ANO3: variants seen among roughly 807,000 people sequenced by gnomAD.
ANO3 encodes anoctamin 3, also known as anoctamin-3.
In ANO3, 99 loss-of-function variants were observed where a neutral mutation model predicts 144.8. The observed-to-expected ratio is 0.68, with a 90% CI of 0.58 to 0.81. The LOEUF (loss-of-function observed/expected upper bound fraction) is 0.81, where lower values mean the gene tolerates loss of function less well. Ranked by LOEUF, ANO3 falls within the 30% of genes least tolerant of loss-of-function variation. The probability of loss-of-function intolerance (pLI) is 0.00; values close to 1 mark genes in which losing one functional copy is unlikely to be tolerated. For synonymous variants in ANO3, 414 were observed against 392.6 expected (o/e 1.05, Z -0.64); for missense variants, 905 against 1,202.2 (o/e 0.75, Z 3.66).
intron 1 of ANO3, among the ~76,000 whole-genome samples, chr11:26,322,546 T>G (rs566402013): frequency 1.3e-5 from 2 of 152,246 alleles, no homozygotes; most frequent in African/African-American, 4.8e-5. Context: ...ATTGACAGTT[T>G]TAAGGATTAT....
At chr11:26,400,108 G>C (rs765848528) in intron 1 of ANO3, among the ~76,000 whole-genome samples, 2 of 148,938 alleles carry the variant, frequency 1.3e-5, no homozygotes, top group Non-Finnish European at 2.9e-5. Context: ...AGTTTTTTTT[G>C]TTTTTGTTTT....
intron 4 of ANO3, among the ~76,000 whole-genome samples, chr11:26,487,747 G>A (rs1231163904): frequency 6.6e-6 from 1 of 152,186 alleles, no homozygotes; most frequent in African/African-American, 2.4e-5. Flanking sequence ...GAGACTGGTG[G>A]CATTTCACCC....
At chr11:26,197,957 C>A (rs1261533764) in intron 1 of ANO3, among the ~76,000 whole-genome samples, 1 of 152,160 alleles carries the variant, frequency 6.6e-6, no homozygotes, top group Non-Finnish European at 1.5e-5. Context: ...ACCTGTGGAG[C>A]CCCTGTGCCT....
chr11:26,224,594 T>A (rs1350682727), intron 1 of ANO3, among the ~76,000 whole-genome samples: 1 of 152,232 alleles, frequency 6.6e-6, no homozygotes, highest in Non-Finnish European at 1.5e-5. Flanking sequence ...GGCCACATTT[T>A]TACTATGTTG....
At chr11:26,358,385 T>C (rs1293596902) in intron 1 of ANO3, among the ~76,000 whole-genome samples, 2 of 152,134 alleles carry the variant, frequency 1.3e-5, no homozygotes, top group Non-Finnish European at 2.9e-5. Context: ...TTGGCCAGAA[T>C]GGCCTTGATC....
At chr11:26,328,501 A>T (rs992468844), upstream of ANO3, among the ~76,000 whole-genome samples, 1 of 152,206 alleles carries the variant, frequency 6.6e-6, no homozygotes, top group African/African-American at 2.4e-5. Context: ...AGTCCCTTTG[A>T]CAGAGCACAA....
intron 1 of ANO3, among the ~76,000 whole-genome samples, chr11:26,203,703 T>G (rs1851741501): frequency 6.6e-6 from 1 of 152,084 alleles, no homozygotes; most frequent in Non-Finnish European, 1.5e-5. Context: ...GAGTTTTATC[T>G]CCCGCTTTTA....
At chr11:26,238,520 T>C (rs1487148964) in intron 1 of ANO3, among the ~76,000 whole-genome samples, 1 of 152,098 alleles carries the variant, frequency 6.6e-6, no homozygotes, top group Non-Finnish European at 1.5e-5. Flanking sequence ...TAAAAACAAT[T>C]GCATGTACAT....
rs957101799 is a variant in ANO3, at chr11:26,612,313, A to G, written c.1837-12149A>G. Among the ~76,000 whole-genome samples, 77 of 152,040 alleles carry G rather than the reference A, an allele frequency of 5.1e-4. 1 individual carries two copies. The highest frequency in any genetic ancestry group is 1.7e-3 in the African/African-American group (71 of 41,478). ...TCGGGCTACCATGGGGCTAACCTAA[A>G]TAATCTTGTAGATGTATTATTTTAA... On this transcript the variant is annotated intron_variant, in intron 17 of 26. Transcript: ENST00000256737.
At chr11:26,605,026 A>T (rs545356659) in intron 17 of ANO3, among the ~76,000 whole-genome samples, 1 of 152,196 alleles carries the variant, frequency 6.6e-6, no homozygotes, top group South Asian at 2.1e-4. Context: ...GCTTTTGCTC[A>T]TTCAATGTGA....
chr11:26,355,723 C>A (rs761046455), intron 1 of ANO3, among the ~76,000 whole-genome samples: 1 of 152,052 alleles, frequency 6.6e-6, no homozygotes, highest in East Asian at 1.9e-4. Flanking sequence ...CCACGCCTGG[C>A]TAATTTTTGT....
At chr11:26,370,367 G>A (rs1358207944) in intron 1 of ANO3, among the ~76,000 whole-genome samples, 1 of 152,100 alleles carries the variant, frequency 6.6e-6, no homozygotes, top group African/African-American at 2.4e-5. Context: ...CCCCAGCCAT[G>A]CTGAGTCAAT....
At chr11:26,307,928 T>G (rs1252984978), upstream of ANO3, among the ~76,000 whole-genome samples, 2 of 152,054 alleles carry the variant, frequency 1.3e-5, no homozygotes, top group Non-Finnish European at 2.9e-5. Context: ...ACAAAGTCTT[T>G]GTCTATTCTG....
chr11:26,412,208 T>G (rs1000920742), intron 1 of ANO3, among the ~76,000 whole-genome samples: 3 of 151,954 alleles, frequency 2.0e-5, no homozygotes, highest in African/African-American at 4.8e-5. Context: ...TTCAGGCAAT[T>G]TCATTAGGCT....
chr11:26,211,120 C>T (rs964099906), intron 1 of ANO3, among the ~76,000 whole-genome samples: 2 of 152,052 alleles, frequency 1.3e-5, no homozygotes, highest in African/African-American at 4.8e-5. Context: ...AAACACTCCT[C>T]AGCAAATGCA....
chr11:26,303,099 G>A (rs1365949678), intron 1 of ANO3, among the ~76,000 whole-genome samples: 1 of 152,210 alleles, frequency 6.6e-6, no homozygotes, highest in Non-Finnish European at 1.5e-5. Flanking sequence ...TGGTGGAAAT[G>A]TCAATTAGTT....
chr11:26,598,039 G>A (rs1226536980), intron 14 of ANO3, among the ~76,000 whole-genome samples: 1 of 152,120 alleles, frequency 6.6e-6, no homozygotes. Flanking sequence ...TGAGTCTTTA[G>A]ATAATTTTGA....
chr11:26,251,788 G>A (rs971063264), intron 1 of ANO3, among the ~76,000 whole-genome samples: 2 of 152,168 alleles, frequency 1.3e-5, no homozygotes, highest in Admixed American at 1.3e-4. Context: ...GTGAGAAAGA[G>A]CGAGGAAGTG....
chr11:26,307,721 AAATAATAATAATAAT>A (rs56805697), upstream of ANO3, among the ~76,000 whole-genome samples: 1,181 of 142,496 alleles, frequency 8.3e-3, 15 homozygotes, highest in African/African-American at 0.028. Context: ...CTCCGTCTCT[AAATAATAATAATAAT>A]AATAATAATA....
Sources: gnomAD v4.1 joint callset for allele counts (sites outside exome capture counted in the v4.1 genomes callset) on GRCh38, gnomAD v4.1.1 for gene constraint, MANE v1.5 for transcripts, NCBI Gene and HGNC (gene_info 2026-07-23, HGNC 2026-07-21) for gene names.